The following PARD3 variants were observed in gnomAD, a reference collection of about 807,000 sequenced individuals.
The protein encoded by PARD3 is partitioning defective 3 homolog.
A neutral mutation model predicts 155.4 loss-of-function variants in PARD3; 75 were observed. The observed-to-expected ratio is 0.48, with a 90% CI of 0.40 to 0.58. The LOEUF is 0.58. PARD3 is among the 20% of genes least tolerant of loss of function. PARD3 has a pLI of 0.00. For synonymous variants in PARD3, 576 were observed against 610.5 expected (o/e 0.94, Z 0.83); for missense variants, 1,642 against 1,721.7 (o/e 0.95, Z 0.82).
Position 34,225,982 on chromosome 10 carries a change from A to G in PARD3, c.3419+43675T>C, listed in dbSNP as rs188893533. On this transcript the variant is annotated intron_variant, in intron 22 of 24. Coordinates refer to ENST00000374788, the MANE Select transcript of PARD3 (RefSeq NM_001184785.2). ...TTGTTGTAACCTTGGGCATTAAAAA[A>G]ATAAAAAATACATAAACAAGTCCCA... Among the ~76,000 whole-genome samples the G allele has an allele frequency of 3.7e-3, 570 of 152,330 alleles. 3 individuals are homozygous for G. Among genetic ancestry groups the G allele is most frequent in the Non-Finnish European group, 5.9e-3 (404 of 68,030 alleles).
chr10:34,538,860 C>G (rs2083405907), intron 2 of PARD3, among the ~76,000 whole-genome samples: 1 of 152,220 alleles, frequency 6.6e-6, no homozygotes, highest in South Asian at 2.1e-4. Flanking sequence ...AGCAAACACA[C>G]AGTTTCTTCT....
In PARD3 at chr10:34,546,972, G is replaced by A. The variant is rs556346665; in HGVS notation, c.223-29813C>T. On this transcript the variant is annotated intron_variant, in intron 2 of 24. Transcript: ENST00000374788. ...TGTTTAGCCCATCAAACACACAAAA[G>A]CAATACTTCTTAAATGTTTAGCTCA... Among the ~76,000 whole-genome samples the A allele has an allele frequency of 1.1e-3, 170 of 152,232 alleles. 1 individual carries two copies. Among genetic ancestry groups the A allele is most frequent in the African/African-American group, 3.9e-3 (164 of 41,552 alleles).
At chr10:34,713,364 A>G (rs900376553) in intron 1 of PARD3, among the ~76,000 whole-genome samples, 1 of 152,184 alleles carries the variant, frequency 6.6e-6, no homozygotes, top group African/African-American at 2.4e-5. Context: ...TAATTTCACT[A>G]TGAAGAAGTC....
chr10:34,253,210 A>T (rs1269459171), intron 22 of PARD3, among the ~76,000 whole-genome samples: 4 of 152,192 alleles, frequency 2.6e-5, no homozygotes, highest in Non-Finnish European at 5.9e-5. Flanking sequence ...TTACTTTACG[A>T]CATTTGTCTG....
chr10:34,462,474 A>T (rs990385139), intron 4 of PARD3, among the ~76,000 whole-genome samples: 2 of 151,710 alleles, frequency 1.3e-5, no homozygotes, highest in African/African-American at 4.9e-5. Context: ...TAGAAATAAA[A>T]TAGTGTTTTC....
At position 34,230,177 on chromosome 10, in the gene PARD3, T is replaced by C. The variant is rs536363067; in HGVS notation, c.3419+39480A>G. On this transcript the variant is annotated intron_variant, in intron 22 of 24. Transcript: ENST00000374788. Reference sequence around the variant, plus strand: ...TTGAGCAACCACAAATCAAAGACTGTAACCAATAAATAAATACATACCATA... The same window carrying C: ...TTGAGCAACCACAAATCAAAGACTGCAACCAATAAATAAATACATACCATA... 7.9e-5 allele frequency among the ~76,000 whole-genome samples: 12 copies of C among 152,130 alleles called. 1 individual carries two copies. The highest frequency in any genetic ancestry group is 2.7e-4 in the African/African-American group (11 of 41,436).
intron 14 of PARD3, among the ~76,000 whole-genome samples, chr10:34,350,638 G>A (rs1351340503): frequency 1.3e-5 from 2 of 148,966 alleles, no homozygotes; most frequent in Non-Finnish European, 3.0e-5. Flanking sequence ...CTTGGCGGGG[G>A]GGGAGGGGGG....
At chr10:34,722,296 C>A (rs2094621296) in intron 1 of PARD3, among the ~76,000 whole-genome samples, 1 of 152,024 alleles carries the variant, frequency 6.6e-6, no homozygotes, top group Admixed American at 6.6e-5. Context: ...ATTGTCTAAA[C>A]AGTAACAAAT....
At chr10:34,493,726 C>T (rs2080076619) in intron 3 of PARD3, among the ~76,000 whole-genome samples, 2 of 149,312 alleles carry the variant, frequency 1.3e-5, no homozygotes, top group South Asian at 2.1e-4. Context: ...AAGCGAAACT[C>T]TGTCTCAAAA....
chr10:34,268,633 A>G (rs1955457108), intron 22 of PARD3, among the ~76,000 whole-genome samples: 1 of 152,146 alleles, frequency 6.6e-6, no homozygotes, highest in Non-Finnish European at 1.5e-5. Flanking sequence ...TTGTAGGGAC[A>G]TGGATGAAGC....
chr10:34,338,182 C>T (rs1836404100), intron 16 of PARD3, among the ~76,000 whole-genome samples: 1 of 152,168 alleles, frequency 6.6e-6, no homozygotes, highest in East Asian at 1.9e-4. Context: ...GTTTAGATGA[C>T]ATTTGATTTG....
intron 2 of PARD3, among the ~76,000 whole-genome samples, chr10:34,631,899 CGCT>C (rs1350529760): frequency 6.6e-6 from 1 of 152,202 alleles, no homozygotes; most frequent in African/African-American, 2.4e-5. Flanking sequence ...GTCCAGCCGC[CGCT>C]GAGGTCTTAA....
At chr10:34,644,242 C>T (rs1293394377) in intron 2 of PARD3, among the ~76,000 whole-genome samples, 2 of 152,162 alleles carry the variant, frequency 1.3e-5, no homozygotes, top group African/African-American at 4.8e-5. Context: ...CCAGGGGAGA[C>T]ATCTGCCCTG....
intron 22 of PARD3, among the ~76,000 whole-genome samples, chr10:34,180,287 C>T (rs994657655): frequency 2.6e-5 from 4 of 152,164 alleles, no homozygotes; most frequent in South Asian, 2.1e-4. Context: ...CCTCATGATC[C>T]GCCTGCCTCA....
chr10:34,248,929 C>T (rs761159710), intron 22 of PARD3, among the ~76,000 whole-genome samples: 4 of 152,042 alleles, frequency 2.6e-5, no homozygotes, highest in African/African-American at 7.2e-5. Context: ...CTTAGTTAAC[C>T]GGGGATTGAT....
intron 2 of PARD3, among the ~76,000 whole-genome samples, chr10:34,634,799 T>C (rs555413787): frequency 6.6e-6 from 1 of 152,206 alleles, no homozygotes; most frequent in Non-Finnish European, 1.5e-5. Context: ...CTGGGAGCTT[T>C]TTCAGTTTGT....
chr10:34,673,628 TTCTGCTA>T (rs1212335202), intron 2 of PARD3, among the ~76,000 whole-genome samples: 1 of 152,220 alleles, frequency 6.6e-6, no homozygotes, highest in Non-Finnish European at 1.5e-5. Flanking sequence ...ACACCACCTT[TTCTGCTA>T]CGATTAGGAA....
intron 22 of PARD3, among the ~76,000 whole-genome samples, chr10:34,249,371 C>T (rs560442921): frequency 1.4e-4 from 21 of 152,214 alleles, no homozygotes; most frequent in African/African-American, 4.3e-4. Flanking sequence ...AATTTTTACT[C>T]GGCATCAAAA....
At chr10:34,786,331 TCTGGCCAAAG>T (rs576452814) in intron 1 of PARD3, among the ~76,000 whole-genome samples, 18 of 152,358 alleles carry the variant, frequency 1.2e-4, no homozygotes, top group African/African-American at 4.3e-4. Context: ...TATTTTGTGT[TCTGGCCAAAG>T]CTTTGACCCA....
Sources: gnomAD v4.1 joint callset for allele counts (sites outside exome capture counted in the v4.1 genomes callset) on GRCh38, gnomAD v4.1.1 for gene constraint, MANE v1.5 for transcripts, NCBI Gene and HGNC (gene_info 2026-07-23, HGNC 2026-07-21) for gene names.